CELF2: variants seen among roughly 807,000 people sequenced by gnomAD.
CELF2 encodes the protein CUGBP Elav-like family member 2, also known as CUG triplet repeat RNA-binding protein 2.
In CELF2, 8 loss-of-function variants were observed where a neutral mutation model predicts 62.6. That is an observed-to-expected ratio of 0.13 (90% CI 0.07 to 0.23). The LOEUF (loss-of-function observed/expected upper bound fraction) is 0.23, where lower values mean the gene tolerates loss of function less well. CELF2 is among the 10% of genes least tolerant of loss of function. CELF2 has a pLI of 1.00. For missense variants in CELF2, 333 were observed against 671.0 expected (o/e 0.50, Z 5.56); for synonymous variants, 258 against 250.0 (o/e 1.03, Z -0.30).
the CELF2 span, among the ~76,000 whole-genome samples, chr10:10,653,560 A>G: frequency 7.5e-6 from 1 of 132,646 alleles, no homozygotes; most frequent in Non-Finnish European, 1.6e-5. Flanking sequence ...AGGATTAAGA[A>G]TCTCACTCAA....
At chr10:10,555,113 A>C in the CELF2 span, among the ~76,000 whole-genome samples, 4 of 152,172 alleles carry the variant, frequency 2.6e-5, no homozygotes, top group Non-Finnish European at 5.9e-5. Context: ...AGGGAAAGCC[A>C]TAGGGTGACA....
the CELF2 span, among the ~76,000 whole-genome samples, chr10:10,678,321 A>G: frequency 6.6e-6 from 1 of 152,116 alleles, no homozygotes; most frequent in Non-Finnish European, 1.5e-5. Flanking sequence ...GTATTACAGC[A>G]TCTATATTTC....
chr10:11,250,489 G>A (rs1330748336), intron 4 of CELF2, among the ~76,000 whole-genome samples: 1 of 152,182 alleles, frequency 6.6e-6, no homozygotes, highest in Non-Finnish European at 1.5e-5. Context: ...ACCAGAAGTT[G>A]TCAAATCCGC....
chr10:10,687,246 A>G, the CELF2 span, among the ~76,000 whole-genome samples: 1 of 152,208 alleles, frequency 6.6e-6, no homozygotes, highest in African/African-American at 2.4e-5. Flanking sequence ...TGCCATAGAA[A>G]TACTAAAGGT....
the CELF2 span, among the ~76,000 whole-genome samples, chr10:10,660,996 TAAAC>T: frequency 2.6e-5 from 4 of 152,168 alleles, no homozygotes; most frequent in Non-Finnish European, 5.9e-5. Flanking sequence ...GTGATCAAAA[TAAAC>T]AAAACTCAGA....
At chr10:10,942,174 T>G (rs1446177439) in intron 2 of CELF2, among the ~76,000 whole-genome samples, 2 of 152,154 alleles carry the variant, frequency 1.3e-5, no homozygotes, top group Non-Finnish European at 1.5e-5. Context: ...AAGGGTTAGC[T>G]TAGATGCAAT....
chr10:11,284,475 G>T (rs1374180012), intron 8 of CELF2, among the ~76,000 whole-genome samples: 1 of 151,280 alleles, frequency 6.6e-6, no homozygotes, highest in Non-Finnish European at 1.5e-5. Flanking sequence ...GTGTGTGGTG[G>T]GTGGATGAGG....
At chr10:10,618,541 C>T in the CELF2 span, among the ~76,000 whole-genome samples, 2 of 152,210 alleles carry the variant, frequency 1.3e-5, no homozygotes, top group East Asian at 3.9e-4. Context: ...CAAAGCACCC[C>T]GACCATTCCT....
chr10:10,485,616 G>A, the CELF2 span, among the ~76,000 whole-genome samples: 4 of 152,284 alleles, frequency 2.6e-5, no homozygotes, highest in East Asian at 5.8e-4. Flanking sequence ...GGCACTAGCA[G>A]CTTTATATTA....
chr10:10,651,384 C>T, the CELF2 span, among the ~76,000 whole-genome samples: 1 of 147,590 alleles, frequency 6.8e-6, no homozygotes, highest in South Asian at 2.3e-4. Context: ...TCAAGGAGGC[C>T]TGCCTGCCTC....
the CELF2 span, among the ~76,000 whole-genome samples, chr10:10,655,582 A>T: frequency 0.53 from 49,113 of 92,496 alleles, 17,795 homozygotes; most frequent in Non-Finnish European, 0.65. Flanking sequence ...TCTACAACTA[A>T]TTGATCTTTG....
the CELF2 span, among the ~76,000 whole-genome samples, chr10:10,491,952 A>T: frequency 2.6e-5 from 4 of 151,970 alleles, no homozygotes; most frequent in African/African-American, 9.7e-5. Flanking sequence ...TTCTTCTTGA[A>T]TGCCCCATCC....
chr10:10,940,190 AG>A lies in CELF2; in HGVS notation c.89+20194del, dbSNP rs1011426665. Among the ~76,000 whole-genome samples, 10 of 152,324 alleles carry A rather than the reference AG, an allele frequency of 6.6e-5. No homozygotes were observed. The Middle Eastern group carries it at 0.014, about 207-fold the overall frequency. ...TATATGTCAGCTACCTTAACTCTAA[AG>A]GGTGGCACTTGGGGGAATTATACTT... is the stretch of plus-strand genomic sequence containing the variant. On this transcript the variant is annotated intron_variant, in intron 2 of 13. Coordinates refer to the CELF2 transcript ENST00000636488.
intron 1 of CELF2, among the ~76,000 whole-genome samples, chr10:11,038,424 T>G (rs2061314874): frequency 6.6e-6 from 1 of 152,162 alleles, no homozygotes; most frequent in South Asian, 2.1e-4. Flanking sequence ...TGAATGGTAT[T>G]TCAAACGGTA....
rs1402545565 is a variant in CELF2, at chr10:11,302,620, T to C, written c.977-11519T>C. ...ACACCACACAACTGTGGTCTTTTTC[T>C]TGGTGACTTTCTCTGTGATCTGGTC... On this transcript the variant is annotated intron_variant, in intron 9 of 12. Coordinates refer to ENST00000633077, the MANE Select transcript of CELF2 (RefSeq NM_001326342.2). The surrounding 1 kb of genome is among the most constrained non-coding windows in gnomAD (Gnocchi z 5.0). Among the ~76,000 whole-genome samples the C allele has an allele frequency of 2.6e-5, 4 of 152,204 alleles. No homozygotes were observed. Among genetic ancestry groups the C allele is most frequent in the African/African-American group, 9.7e-5 (4 of 41,448 alleles).
chr10:10,802,435 A>C (rs2054766161), intron 1 of CELF2, among the ~76,000 whole-genome samples: 2 of 152,196 alleles, frequency 1.3e-5, no homozygotes, highest in Admixed American at 1.3e-4. Flanking sequence ...GTGCCACTGC[A>C]CTCCAGCCTG....
the CELF2 span, among the ~76,000 whole-genome samples, chr10:10,550,445 A>G: frequency 6.6e-6 from 1 of 152,182 alleles, no homozygotes; most frequent in African/African-American, 2.4e-5. Context: ...AGAAGCCACT[A>G]TCCTGGATGG....
chr10:11,092,109 C>T (rs956544976), intron 1 of CELF2, among the ~76,000 whole-genome samples: 2 of 152,170 alleles, frequency 1.3e-5, no homozygotes, highest in Non-Finnish European at 2.9e-5. Context: ...GATCCTTCTT[C>T]TGAGAGAATG....
the CELF2 span, among the ~76,000 whole-genome samples, chr10:10,678,241 G>T: frequency 6.6e-6 from 1 of 151,874 alleles, no homozygotes; most frequent in East Asian, 1.9e-4. Context: ...TTGTTTTATG[G>T]TCAAGAAATT....
Sources: gnomAD v4.1 joint callset for allele counts (sites outside exome capture counted in the v4.1 genomes callset) on GRCh38, gnomAD v4.1.1 for gene constraint, Gnocchi (gnomAD v3.1) non-coding constraint, MANE v1.5 for transcripts, NCBI Gene and HGNC (gene_info 2026-07-23, HGNC 2026-07-21) for gene names.